The following LARGE1 variants were observed in gnomAD, a reference collection of about 807,000 sequenced individuals.
LARGE1 encodes the protein LARGE xylosyl- and glucuronyltransferase 1.
In LARGE1, 43 loss-of-function variants were observed where a neutral mutation model predicts 87.6. The observed-to-expected ratio is 0.49, with a 90% confidence interval of 0.38 to 0.63. The LOEUF is 0.63. LARGE1 is among the 30% of genes least tolerant of loss of function. The pLI is 0.00. For missense variants in LARGE1, 802 were observed against 1,000.2 expected (o/e 0.80, Z 2.67); for synonymous variants, 434 against 394.6 (o/e 1.10, Z -1.18).
chr22:33,719,081 A>T (rs1021669010), intron 2 of LARGE1, among the ~76,000 whole-genome samples: 2 of 152,106 alleles, frequency 1.3e-5, no homozygotes, highest in African/African-American at 4.8e-5. Context: ...GAGCCACCAC[A>T]CCCGGCTGTA....
At chr22:33,579,522 G>A (rs207477965) in intron 5 of LARGE1, among the ~76,000 whole-genome samples, 1 of 152,178 alleles carries the variant, frequency 6.6e-6, no homozygotes, top group Non-Finnish European at 1.5e-5. Flanking sequence ...TCCTGAGCAG[G>A]AGCCAAGTGG....
At chr22:33,468,233 C>T (rs1457802271) in intron 6 of LARGE1, among the ~76,000 whole-genome samples, 2 of 152,150 alleles carry the variant, frequency 1.3e-5, no homozygotes, top group East Asian at 3.9e-4. Flanking sequence ...CCCTCTCAAG[C>T]CTCAGCTGAG....
chr22:33,867,676 A>T (rs1236769034), intron 1 of LARGE1, among the ~76,000 whole-genome samples: 2 of 152,190 alleles, frequency 1.3e-5, no homozygotes, highest in Admixed American at 6.5e-5. Flanking sequence ...GAATCACTGG[A>T]TCTACTTCGC....
intron 12 of LARGE1, 33 bp from the exon 13 acceptor site, chr22:33,283,381 C>T (rs767338296): frequency 6.2e-6 from 10 of 1,613,684 alleles, no homozygotes; most frequent in Non-Finnish European, 8.5e-6. Flanking sequence ...GAGACAGAGT[C>T]CCTGTGACAC....
chr22:33,572,515 T>A (rs1172042386), intron 5 of LARGE1, among the ~76,000 whole-genome samples: 1 of 152,118 alleles, frequency 6.6e-6, no homozygotes, highest in Admixed American at 6.5e-5. Flanking sequence ...ACACATTGCA[T>A]GAGGTTTGAA....
chr22:33,687,385 CTT>C (rs35130764), intron 2 of LARGE1, among the ~76,000 whole-genome samples: 24 of 143,662 alleles, frequency 1.7e-4, no homozygotes, highest in Admixed American at 2.8e-4. Flanking sequence ...TACCTTGCTG[CTT>C]TTTTTTTTTT....
chr22:33,642,175 G>A (rs1057041624), intron 3 of LARGE1, among the ~76,000 whole-genome samples: 5 of 152,190 alleles, frequency 3.3e-5, no homozygotes, highest in Non-Finnish European at 7.3e-5. Context: ...CACACTAACA[G>A]CAGATCAATA....
chr22:33,800,550 T>C (rs1244221521), intron 1 of LARGE1, among the ~76,000 whole-genome samples: 4 of 152,204 alleles, frequency 2.6e-5, no homozygotes, highest in Non-Finnish European at 1.5e-5. Context: ...TACCCCATTA[T>C]ACTCACACCC....
intron 2 of LARGE1, among the ~76,000 whole-genome samples, chr22:33,720,022 G>A (rs977172426): frequency 1.3e-5 from 2 of 152,180 alleles, no homozygotes; most frequent in Non-Finnish European, 2.9e-5. Context: ...GCAGACAAAG[G>A]TTGGGGGAAG....
At position 33,335,403 on chromosome 22, in the gene LARGE1, C is replaced by T. The variant is rs1265732735; in HGVS notation, c.1287+2243G>A. On this transcript the variant is annotated intron_variant, in intron 10 of 14. Transcript: ENST00000397394. ...CAGAGCCAGTGGCGATCCACTGTGA[C>T]TTGGGGACCCAGTCACAGAGAGCAG... Among the ~76,000 whole-genome samples, 12 of 152,150 alleles carry T rather than the reference C, an allele frequency of 7.9e-5. 1 individual carries two copies. Among genetic ancestry groups the T allele is most frequent in the Admixed American group, 7.2e-4 (11 of 15,278 alleles).
At chr22:33,535,374 C>A (rs968981439) in intron 6 of LARGE1, among the ~76,000 whole-genome samples, 1 of 152,040 alleles carries the variant, frequency 6.6e-6, no homozygotes, top group African/African-American at 2.4e-5. Context: ...CAAAACCTGT[C>A]TCTACTAAAA....
chr22:33,136,386 C>G, the LARGE1 span, among the ~76,000 whole-genome samples: 3 of 152,130 alleles, frequency 2.0e-5, no homozygotes, highest in Non-Finnish European at 4.4e-5. Context: ...TCTTATAAAA[C>G]CATCAGATCT....
chr22:33,126,001 G>A, the LARGE1 span, among the ~76,000 whole-genome samples: 5 of 152,194 alleles, frequency 3.3e-5, no homozygotes, highest in Admixed American at 6.5e-5. Flanking sequence ...ACCCGACTCA[G>A]CCTCTCAAAG....
chr22:33,182,203 C>T (rs898922273), intron 11 of LARGE1, among the ~76,000 whole-genome samples: 4 of 152,002 alleles, frequency 2.6e-5, no homozygotes, highest in African/African-American at 9.7e-5. Context: ...ATAAGTAGTC[C>T]AATAGACTTG....
At chr22:33,839,149 A>G (rs1464206104) in intron 1 of LARGE1, among the ~76,000 whole-genome samples, 1 of 152,252 alleles carries the variant, frequency 6.6e-6, no homozygotes, top group Non-Finnish European at 1.5e-5. Flanking sequence ...TTGTACAAGA[A>G]GCATAGCACC....
intron 2 of LARGE1, among the ~76,000 whole-genome samples, chr22:33,714,189 C>T (rs2082843041): frequency 1.3e-5 from 2 of 152,098 alleles, no homozygotes; most frequent in Admixed American, 6.6e-5. Flanking sequence ...AGAAATGTTG[C>T]CCCTCTTCCA....
chr22:33,526,146 GA>G (rs1295747136), intron 6 of LARGE1, among the ~76,000 whole-genome samples: 1 of 152,102 alleles, frequency 6.6e-6, no homozygotes, highest in Non-Finnish European at 1.5e-5. Flanking sequence ...GACTAACCTT[GA>G]AAACATTATG....
At chr22:33,346,101 CA>C (rs926105267) in intron 9 of LARGE1, among the ~76,000 whole-genome samples, 9 of 152,154 alleles carry the variant, frequency 5.9e-5, no homozygotes, top group African/African-American at 2.2e-4. Context: ...GCTCTATATC[CA>C]GGCTAAAAGG....
intron 6 of LARGE1, among the ~76,000 whole-genome samples, chr22:33,471,263 C>T (rs1019277482): frequency 4.0e-5 from 6 of 151,858 alleles, no homozygotes; most frequent in Non-Finnish European, 8.8e-5. Context: ...AAGCTGGTCT[C>T]GAACCCCTGA....
Sources: gnomAD v4.1 joint callset for allele counts (sites outside exome capture counted in the v4.1 genomes callset) on GRCh38, gnomAD v4.1.1 for gene constraint, MANE v1.5 for transcripts, NCBI Gene and HGNC (gene_info 2026-07-23, HGNC 2026-07-21) for gene names.